Variants in ADAMTS19 observed in about 807,000 individuals in gnomAD.
ADAMTS19 encodes A disintegrin and metalloproteinase with thrombospondin motifs 19.
Under a neutral mutation model 153.3 loss-of-function variants are expected in ADAMTS19, and 93 were observed. That is an observed-to-expected ratio of 0.61 (90% confidence interval 0.51 to 0.72). The LOEUF (loss-of-function observed/expected upper bound fraction) is 0.72, where lower values mean the gene tolerates loss of function less well. Among genes scored for constraint, ADAMTS19 ranks in the 30% least tolerant of loss-of-function variants. The pLI, the probability that ADAMTS19 is intolerant of heterozygous loss-of-function variation, is 0.00. For synonymous variants in ADAMTS19, 600 were observed against 556.6 expected (o/e 1.08, Z -1.10); for missense variants, 1,482 against 1,552.1 (o/e 0.95, Z 0.76).
chr5:129,530,544 A>G (rs9327525), intron 6 of ADAMTS19, among the ~76,000 whole-genome samples: 10,326 of 152,260 alleles, frequency 0.068, 569 homozygotes, highest in African/African-American at 0.15. Flanking sequence ...CCGAAAAACC[A>G]TAAGTTCAAA....
chr5:129,612,243 C>G (rs368363342), intron 8 of ADAMTS19, among the ~76,000 whole-genome samples: 7 of 150,312 alleles, frequency 4.7e-5, no homozygotes, highest in South Asian at 2.1e-4. Context: ...TTTGTCCTTG[C>G]GATAGTTTGC....
intron 2 of ADAMTS19, among the ~76,000 whole-genome samples, chr5:129,486,356 T>C (rs1750591793): frequency 6.6e-6 from 1 of 152,170 alleles, no homozygotes; most frequent in South Asian, 2.1e-4. Context: ...ACAAATCAAG[T>C]CCAGCAGTAG....
intron 2 of ADAMTS19, among the ~76,000 whole-genome samples, chr5:129,464,133 C>A (rs1561526418): frequency 6.6e-6 from 1 of 152,160 alleles, no homozygotes; most frequent in Non-Finnish European, 1.5e-5. Context: ...AATGCAGGAC[C>A]TGTCAAGGGA....
intron 14 of ADAMTS19, among the ~76,000 whole-genome samples, chr5:129,656,213 T>C (rs1000544783): frequency 6.6e-6 from 1 of 152,190 alleles, no homozygotes; most frequent in Admixed American, 6.5e-5. Context: ...GACCTGATGA[T>C]TATAATTAAA....
chr5:129,719,314 T>G (rs1242303650), intron 21 of ADAMTS19, among the ~76,000 whole-genome samples: 2 of 152,172 alleles, frequency 1.3e-5, no homozygotes, highest in Non-Finnish European at 2.9e-5. Flanking sequence ...ACTGACAAAC[T>G]AGTAGATTAT....
At chr5:129,511,027 A>G (rs187940231) in intron 3 of ADAMTS19, among the ~76,000 whole-genome samples, 3 of 151,936 alleles carry the variant, frequency 2.0e-5, no homozygotes, top group Non-Finnish European at 1.5e-5. Flanking sequence ...AAAATCATTT[A>G]AAAATTAGGA....
At chr5:129,476,268 G>C (rs1750223435) in intron 2 of ADAMTS19, among the ~76,000 whole-genome samples, 1 of 152,156 alleles carries the variant, frequency 6.6e-6, no homozygotes, top group South Asian at 2.1e-4. Context: ...TTCCATAAAG[G>C]ATTTATGAGA....
At chr5:129,724,163 GAGA>G (rs148259774) in intron 21 of ADAMTS19, among the ~76,000 whole-genome samples, 76 of 152,336 alleles carry the variant, frequency 5.0e-4, no homozygotes, top group African/African-American at 1.8e-3. Flanking sequence ...GACCTGGAAA[GAGA>G]AGGAGATTCT....
intron 7 of ADAMTS19, among the ~76,000 whole-genome samples, chr5:129,561,416 C>A (rs1753509885): frequency 6.6e-6 from 1 of 152,000 alleles, no homozygotes; most frequent in East Asian, 1.9e-4. Context: ...GTAGTCCCAG[C>A]TACTCGGGAG....
At position 129,541,442 on chromosome 5, in the gene ADAMTS19, T is replaced by A. The variant is rs556308829; in HGVS notation, c.1329-10422T>A. On this transcript the variant is annotated intron_variant, in intron 6 of 22. Coordinates refer to ENST00000274487, the MANE Select transcript of ADAMTS19 (RefSeq NM_133638.6). ...CCTACATCTGAATATACTTTATACTTAGTGATTCTTGACCCTAAGGTGAAG... is the reference window on the plus strand; with the variant it reads ...CCTACATCTGAATATACTTTATACTAAGTGATTCTTGACCCTAAGGTGAAG... Among the ~76,000 whole-genome samples, 18 of 152,154 alleles carry A rather than the reference T, an allele frequency of 1.2e-4. 1 individual carries two copies. Among genetic ancestry groups the A allele is most frequent in the African/African-American group, 4.3e-4 (18 of 41,550 alleles).
chr5:129,466,146 G>T (rs1054232196), intron 2 of ADAMTS19, among the ~76,000 whole-genome samples: 1 of 152,114 alleles, frequency 6.6e-6, no homozygotes, highest in African/African-American at 2.4e-5. Context: ...CCAGGCCTGT[G>T]GGTGACACCC....
At chr5:129,494,984 T>C (rs1475969364) in intron 2 of ADAMTS19, among the ~76,000 whole-genome samples, 3 of 152,138 alleles carry the variant, frequency 2.0e-5, no homozygotes, top group African/African-American at 7.2e-5. Context: ...GTAATTACTT[T>C]TGAGCCATAA....
intron 2 of ADAMTS19, among the ~76,000 whole-genome samples, chr5:129,479,815 G>A (rs1169505801): frequency 6.6e-6 from 1 of 151,902 alleles, no homozygotes; most frequent in Non-Finnish European, 1.5e-5. Context: ...AGAGATTAAG[G>A]AATATCTACA....
intron 21 of ADAMTS19, among the ~76,000 whole-genome samples, chr5:129,716,993 T>C (rs1213232570): frequency 6.6e-6 from 1 of 152,250 alleles, no homozygotes; most frequent in African/African-American, 2.4e-5. Flanking sequence ...ACAGTCTCTA[T>C]GTCTTTGTTT....
intron 7 of ADAMTS19, among the ~76,000 whole-genome samples, chr5:129,591,845 A>G (rs1162117401): frequency 6.6e-6 from 1 of 152,104 alleles, no homozygotes. Flanking sequence ...AACTTTTGTT[A>G]GAATGCATCC....
intron 2 of ADAMTS19, among the ~76,000 whole-genome samples, chr5:129,490,000 G>A (rs777922734): frequency 4.6e-5 from 7 of 152,042 alleles, no homozygotes; most frequent in Non-Finnish European, 8.8e-5. Context: ...AGGTACTTTG[G>A]AATTAATTAA....
intron 19 of ADAMTS19, among the ~76,000 whole-genome samples, chr5:129,695,997 G>C (rs1755534666): frequency 6.6e-6 from 1 of 152,126 alleles, no homozygotes; most frequent in South Asian, 2.1e-4. Flanking sequence ...AGTAGGTATG[G>C]GGGAGGGAAG....
intron 4 of ADAMTS19, among the ~76,000 whole-genome samples, chr5:129,527,214 A>G (rs2126764503): frequency 6.6e-6 from 1 of 152,058 alleles, no homozygotes; most frequent in South Asian, 2.1e-4. Context: ...AGAAGGTTGT[A>G]GTGAAGAGTG....
chr5:129,573,924 C>G (rs1258476135), intron 7 of ADAMTS19, among the ~76,000 whole-genome samples: 1 of 151,878 alleles, frequency 6.6e-6, no homozygotes, highest in East Asian at 1.9e-4. Context: ...TTAGAAACCC[C>G]CCAAAGTCCT....
Sources: gnomAD v4.1 joint callset for allele counts (sites outside exome capture counted in the v4.1 genomes callset) on GRCh38, gnomAD v4.1.1 for gene constraint, MANE v1.5 for transcripts, NCBI Gene and HGNC (gene_info 2026-07-23, HGNC 2026-07-21) for gene names.